SNTB1: variants seen among roughly 807,000 people sequenced by gnomAD.
SNTB1 encodes the protein beta-1-syntrophin.
SNTB1 carries 36 observed loss-of-function variants against 48.9 expected under a neutral mutation model. That is an observed-to-expected ratio of 0.74 (90% CI 0.56 to 0.97). The LOEUF (loss-of-function observed/expected upper bound fraction) is 0.97. Among genes scored for constraint, SNTB1 ranks in the 50% least tolerant of loss-of-function variants. The pLI is 0.00. For synonymous variants in SNTB1, 299 were observed against 294.6 expected (o/e 1.01, Z -0.15); for missense variants, 786 against 703.4 (o/e 1.12, Z -1.33).
chr8:120,618,251 G>A (rs2130738615), intron 3 of SNTB1, among the ~76,000 whole-genome samples: 1 of 152,280 alleles, frequency 6.6e-6, no homozygotes, highest in South Asian at 2.1e-4. Flanking sequence ...TAGGTTCCAT[G>A]TTTGTCTTCC....
At chr8:120,768,935 A>G (rs556130082) in intron 1 of SNTB1, 1 of 152,300 alleles carries the variant, frequency 6.6e-6, no homozygotes, top group East Asian at 1.9e-4. Flanking sequence ...GCTCCCCACC[A>G]CAGGTGGAGA....
intron 1 of SNTB1, among the ~76,000 whole-genome samples, chr8:120,760,032 C>A (rs1328002605): frequency 3.3e-5 from 5 of 152,170 alleles, no homozygotes; most frequent in African/African-American, 9.7e-5. Flanking sequence ...CACAAATACT[C>A]AATCTGCCAT....
At chr8:120,547,903 C>G (rs1367533800) in intron 5 of SNTB1, among the ~76,000 whole-genome samples, 2 of 152,150 alleles carry the variant, frequency 1.3e-5, no homozygotes, top group Non-Finnish European at 2.9e-5. Context: ...GGCTCCTGCT[C>G]TTTTTTACTG....
chr8:120,722,446 T>C (rs185676097), intron 1 of SNTB1, among the ~76,000 whole-genome samples: 7 of 152,314 alleles, frequency 4.6e-5, no homozygotes, highest in African/African-American at 1.7e-4. Flanking sequence ...TTCTAACTGG[T>C]GTGAGATGGT....
intron 1 of SNTB1, among the ~76,000 whole-genome samples, chr8:120,774,945 C>T (rs562322468): frequency 7.9e-5 from 12 of 152,248 alleles, no homozygotes; most frequent in East Asian, 1.9e-4. Flanking sequence ...TGAGCCACCA[C>T]GCCCGGCCAG....
At chr8:120,735,647 G>A (rs1001176807) in intron 1 of SNTB1, among the ~76,000 whole-genome samples, 2 of 152,208 alleles carry the variant, frequency 1.3e-5, no homozygotes, top group African/African-American at 4.8e-5. Context: ...CTGCAGCCAA[G>A]GAGAGAGGCC....
In SNTB1 at chr8:120,744,944, C is replaced by A. The variant is rs1819101174; in HGVS notation, c.572-51036G>T. ...ATTATCCAAATAAAATGGCTGGTTACTCTCCATGACAACTTCTTGCCCCCA... is the reference window on the plus strand; with the variant it reads ...ATTATCCAAATAAAATGGCTGGTTAATCTCCATGACAACTTCTTGCCCCCA... On this transcript the variant is annotated intron_variant, in intron 1 of 6. Transcript: ENST00000517992. Among the ~76,000 whole-genome samples, 3 of 152,186 alleles carry A rather than the reference C, an allele frequency of 2.0e-5. No homozygotes were observed. The South Asian group carries it at 6.2e-4, about 31-fold the overall frequency.
intron 1 of SNTB1, among the ~76,000 whole-genome samples, chr8:120,751,692 C>G (rs1353938880): frequency 6.6e-6 from 1 of 152,090 alleles, no homozygotes; most frequent in Non-Finnish European, 1.5e-5. Flanking sequence ...CCATCACTTA[C>G]TAGTTATATC....
intron 1 of SNTB1, among the ~76,000 whole-genome samples, chr8:120,729,088 C>T (rs1040871029): frequency 6.6e-6 from 1 of 152,034 alleles, no homozygotes; most frequent in Non-Finnish European, 1.5e-5. Flanking sequence ...AAGTGATCCT[C>T]CCACCTCAGC....
intron 1 of SNTB1, among the ~76,000 whole-genome samples, chr8:120,764,547 C>T (rs1003319732): frequency 6.6e-6 from 1 of 151,954 alleles, no homozygotes; most frequent in Non-Finnish European, 1.5e-5. Context: ...TTCTTTTGCC[C>T]CTGTTGATTT....
intron 2 of SNTB1, among the ~76,000 whole-genome samples, chr8:120,654,039 C>CAAA (rs58873007): frequency 0.031 from 775 of 25,200 alleles, 204 homozygotes; most frequent in East Asian, 0.096. Flanking sequence ...GACTCTGCCT[C>CAAA]AAAAAAAAAA....
intron 6 of SNTB1, 103 bp downstream of exon 6, chr8:120,541,707 A>C: frequency 1.4e-6 from 1 of 720,864 alleles, no homozygotes; most frequent in Non-Finnish European, 2.1e-6. Flanking sequence ...GCTTGCAAGC[A>C]CATCATTAGC....
At chr8:120,772,546 C>G (rs1273675636) in intron 1 of SNTB1, among the ~76,000 whole-genome samples, 1 of 152,130 alleles carries the variant, frequency 6.6e-6, no homozygotes, top group Non-Finnish European at 1.5e-5. Context: ...CATGCCCAGC[C>G]AGGGGCACAC....
intron 3 of SNTB1, among the ~76,000 whole-genome samples, chr8:120,596,984 C>T (rs1816337831): frequency 6.6e-6 from 1 of 152,200 alleles, no homozygotes; most frequent in African/African-American, 2.4e-5. Flanking sequence ...GTCCCAATAC[C>T]TGGAACCTGT....
intron 1 of SNTB1, among the ~76,000 whole-genome samples, chr8:120,727,712 TAA>T (rs2129967218): frequency 6.6e-6 from 1 of 152,348 alleles, no homozygotes; most frequent in East Asian, 1.9e-4. Context: ...CATTCCTGTG[TAA>T]AATTTACCAT....
intron 3 of SNTB1, among the ~76,000 whole-genome samples, chr8:120,576,958 G>A (rs976435399): frequency 7.9e-5 from 12 of 152,118 alleles, no homozygotes; most frequent in Non-Finnish European, 1.0e-4. Context: ...GCTGGCAGAT[G>A]GTAACGCCCT....
At chr8:120,806,029 G>A (rs919995439) in intron 1 of SNTB1, among the ~76,000 whole-genome samples, 2 of 152,214 alleles carry the variant, frequency 1.3e-5, no homozygotes, top group African/African-American at 2.4e-5. Context: ...ACAGCATGTG[G>A]CACAATGTTT....
At position 120,610,550 on chromosome 8, in the gene SNTB1, T is replaced by C. The variant is rs1028032506; in HGVS notation, c.996+21894A>G. ...GAGCAGGACTAAAGTTTTTTGTTTG[T>C]TTGTTTGTTTTCCAGAGCAGGAGTG... On this transcript the variant is annotated intron_variant, in intron 3 of 6. Transcript: ENST00000517992. Among the ~76,000 whole-genome samples, 29 of 152,002 alleles carry C rather than the reference T, an allele frequency of 1.9e-4. 2 individuals carry two copies. Among genetic ancestry groups the C allele is most frequent in the Admixed American group, 1.6e-3 (24 of 15,226 alleles).
At chr8:120,729,687 C>G (rs1404539704) in intron 1 of SNTB1, among the ~76,000 whole-genome samples, 1 of 152,212 alleles carries the variant, frequency 6.6e-6, no homozygotes, top group Non-Finnish European at 1.5e-5. Flanking sequence ...GCTCTGCCTA[C>G]AAGAATCCAA....
Sources: gnomAD v4.1 joint callset for allele counts (sites outside exome capture counted in the v4.1 genomes callset) on GRCh38, gnomAD v4.1.1 for gene constraint, MANE v1.5 for transcripts, NCBI Gene and HGNC (gene_info 2026-07-23, HGNC 2026-07-21) for gene names.